XIRP2: variants seen among roughly 807,000 people sequenced by gnomAD.
XIRP2 encodes xin actin binding repeat containing 2, also known as xin actin-binding repeat-containing protein 2.
XIRP2 carries 236 observed loss-of-function variants against 277.0 expected under a neutral mutation model. The ratio of observed to expected loss-of-function variants is 0.85; its 90% CI spans 0.77 to 0.95. XIRP2 has a LOEUF of 0.95. XIRP2 is among the 40% of genes least tolerant of loss of function. The pLI is 0.00. For synonymous variants in XIRP2, 1,490 were observed against 1,416.5 expected, an observed-to-expected ratio of 1.05 and a Z score of -1.17; for missense variants, 4,640 against 4,157.5, an observed-to-expected ratio of 1.12 and a Z score of -3.19.
chr2:166,943,075 C>G (rs954893958), intron 2 of XIRP2, among the ~76,000 whole-genome samples: 2 of 152,002 alleles, frequency 1.3e-5, no homozygotes, highest in African/African-American at 4.8e-5. Flanking sequence ...ACAATTAATA[C>G]CTCCATTGAA....
intron 2 of XIRP2, among the ~76,000 whole-genome samples, chr2:167,055,912 C>G (rs1211236109): frequency 6.6e-6 from 1 of 152,132 alleles, no homozygotes; most frequent in Non-Finnish European, 1.5e-5. Context: ...AATGCATTAA[C>G]ATAGCAAACA....
At chr2:167,039,486 A>G (rs539921823) in intron 2 of XIRP2, among the ~76,000 whole-genome samples, 1 of 152,330 alleles carries the variant, frequency 6.6e-6, no homozygotes, top group East Asian at 1.9e-4. Flanking sequence ...GTTACAGAGA[A>G]AGGAACAATC....
At chr2:166,949,892 T>C (rs771556226) in intron 2 of XIRP2, among the ~76,000 whole-genome samples, 9 of 152,070 alleles carry the variant, frequency 5.9e-5, no homozygotes, top group Non-Finnish European at 1.2e-4. Context: ...TCACCTGAAA[T>C]GTGTGATTTA....
intron 2 of XIRP2, among the ~76,000 whole-genome samples, chr2:166,951,593 T>A (rs1686034803): frequency 6.6e-6 from 1 of 152,042 alleles, no homozygotes; most frequent in South Asian, 2.1e-4. Flanking sequence ...GAAAAAAAAG[T>A]TGGCAATCTG....
chr2:167,044,720 A>G (rs1392025444), intron 2 of XIRP2, among the ~76,000 whole-genome samples: 1 of 151,858 alleles, frequency 6.6e-6, no homozygotes, highest in Non-Finnish European at 1.5e-5. Context: ...TGAAAGATCT[A>G]TACAATGACC....
intron 3 of XIRP2, among the ~76,000 whole-genome samples, chr2:167,169,692 T>C (rs1399480067): frequency 2.0e-5 from 3 of 152,234 alleles, no homozygotes; most frequent in Non-Finnish European, 4.4e-5. Flanking sequence ...GTAAAGTTTC[T>C]TTAATTTTAT....
chr2:167,244,817 A>G lies in XIRP2; in HGVS notation c.3425A>G (p.Asp1142Gly). ...CAGCCACTTGATACCATAAAAGATGACTCTGAAACAGCAGTCAAATTGCAA... is the reference window on the plus strand; with the variant it reads ...CAGCCACTTGATACCATAAAAGATGGCTCTGAAACAGCAGTCAAATTGCAA... ...ETQPLDTIKD[D>G]SETAVKLQTV... The change falls in exon 9 of 11, where the codon GAC becomes GGC. Residue 1142 changes from aspartate (D) to glycine (G), a missense_variant. Physicochemically the swap from Asp to Gly is moderately conservative, Grantham distance 94 (BLOSUM62 -1). Coordinates refer to ENST00000409195, the MANE Select transcript of XIRP2 (RefSeq NM_152381.6). 6.2e-7 allele frequency: 1 copy of G among 1,613,720 alleles called. No individual in the cohort carries two copies. Among genetic ancestry groups the G allele is most frequent in the Non-Finnish European group, 8.5e-7 (1 of 1,179,764 alleles).
At chr2:167,129,405 C>T (rs1444993441) in intron 2 of XIRP2, among the ~76,000 whole-genome samples, 1 of 152,082 alleles carries the variant, frequency 6.6e-6, no homozygotes, top group Non-Finnish European at 1.5e-5. Context: ...GTAGGGCAAC[C>T]TGCTTTCTTT....
intron 2 of XIRP2, among the ~76,000 whole-genome samples, chr2:166,915,150 A>T (rs920293804): frequency 1.3e-4 from 19 of 151,674 alleles, no homozygotes; most frequent in Non-Finnish European, 2.2e-4. Flanking sequence ...ACAAAAAAAA[A>T]ATTAGCCAGG....
chr2:167,016,949 G>A (rs1687843245), intron 2 of XIRP2, among the ~76,000 whole-genome samples: 1 of 151,960 alleles, frequency 6.6e-6, no homozygotes, highest in Non-Finnish European at 1.5e-5. Context: ...GACAGGTGAA[G>A]TATGGCCTTA....
At position 167,251,413 on chromosome 2, in the gene XIRP2, G is replaced by T. The variant is rs773839418; in HGVS notation, c.10021G>T (p.Glu3341Ter). ...NEINRWFREF[E>*]HGPVSEAKSN... Reference sequence around the variant, plus strand: ...AATAAACAGATGGTTCAGGGAATTTGAGCATGGCCCAGTTTCTGAAGCAAA... The same window carrying T: ...AATAAACAGATGGTTCAGGGAATTTTAGCATGGCCCAGTTTCTGAAGCAAA... The change falls in exon 9 of 11, where the codon GAG becomes TAG. Residue 3341 changes from glutamate to a stop codon, truncating the protein, a stop_gained. Coordinates refer to ENST00000409195, the MANE Select transcript of XIRP2 (RefSeq NM_152381.6). LOFTEE classifies it high-confidence loss of function. 6 of 1,613,494 alleles carry T rather than the reference G, an allele frequency of 3.7e-6. No homozygotes were observed. In the East Asian group the frequency reaches 1.3e-4, roughly 36 times the overall value.
intron 3 of XIRP2, among the ~76,000 whole-genome samples, chr2:167,170,049 C>T (rs181309864): frequency 5.3e-5 from 8 of 152,154 alleles, no homozygotes; most frequent in Admixed American, 4.6e-4. Flanking sequence ...AATTTTGTAC[C>T]TGCTCTTTGT....
At position 167,208,564 on chromosome 2, in the gene XIRP2, T is replaced by A. The variant is rs184810524; in HGVS notation, c.563-2171T>A. Among the ~76,000 whole-genome samples, 351 of 152,302 alleles carry A rather than the reference T, an allele frequency of 2.3e-3. 13 individuals carry two copies. In the East Asian group the frequency reaches 0.061, roughly 26 times the overall value. On this transcript the variant is annotated intron_variant, in intron 3 of 10. Coordinates refer to ENST00000409195, the MANE Select transcript of XIRP2 (RefSeq NM_152381.6). ...ACCTCGTGATCTGCCCGTCTCGGCC[T>A]CCCAGAGTGCTGGGATTACAGGTGT... is the stretch of plus-strand genomic sequence containing the variant.
chr2:166,982,265 G>T (rs909434527), intron 2 of XIRP2, among the ~76,000 whole-genome samples: 1 of 149,586 alleles, frequency 6.7e-6, no homozygotes, highest in African/African-American at 2.4e-5. Context: ...AAGTGCATCA[G>T]GTTTTTAATT....
chr2:167,249,991 C>A lies in XIRP2; in HGVS notation c.8599C>A (p.Gln2867Lys), dbSNP rs748628370. 6.2e-7 allele frequency: 1 copy of A among 1,613,564 alleles called. No homozygotes were observed. The highest frequency in any genetic ancestry group is 8.5e-7 in the Non-Finnish European group (1 of 1,179,672). ...VIDAHLDSQT[Q>K]NFQQTQIQTA... Reference sequence around the variant, plus strand: ...CGATGCACATCTTGATTCACAGACTCAGAATTTTCAGCAAACACAAATACA... The same window carrying A: ...CGATGCACATCTTGATTCACAGACTAAGAATTTTCAGCAAACACAAATACA... Residue 2867 changes from glutamine (Q) to lysine (K), a missense_variant, in exon 9 of 11, where the codon CAG becomes AAG. Transcript: ENST00000409195.
chr2:166,922,983 C>T (rs147314388), intron 2 of XIRP2, among the ~76,000 whole-genome samples: 15 of 151,328 alleles, frequency 9.9e-5, no homozygotes, highest in African/African-American at 3.4e-4. Flanking sequence ...AGGTTTGATC[C>T]TCAAGGGTAT....
intron 2 of XIRP2, among the ~76,000 whole-genome samples, chr2:167,008,414 G>A (rs1162294229): frequency 1.3e-5 from 2 of 151,504 alleles, no homozygotes; most frequent in Non-Finnish European, 3.0e-5. Flanking sequence ...AAGCTATAAT[G>A]TGATGGAGTT....
intron 2 of XIRP2, among the ~76,000 whole-genome samples, chr2:167,131,239 T>C (rs569698086): frequency 3.0e-4 from 45 of 152,284 alleles, no homozygotes; most frequent in Non-Finnish European, 5.1e-4. Context: ...TACCCATGCT[T>C]TGGGTTCCAT....
At chr2:167,125,312 C>T (rs1487072949) in intron 2 of XIRP2, among the ~76,000 whole-genome samples, 1 of 152,108 alleles carries the variant, frequency 6.6e-6, no homozygotes, top group Non-Finnish European at 1.5e-5. Flanking sequence ...GAATAGGATA[C>T]GTAGCTGTAA....
Sources: gnomAD v4.1 joint callset for allele counts (sites outside exome capture counted in the v4.1 genomes callset) on GRCh38, gnomAD v4.1.1 for gene constraint, MANE v1.5 for transcripts, NCBI Gene and HGNC (gene_info 2026-07-23, HGNC 2026-07-21) for gene names.